The following PIGL variants were observed in gnomAD, a reference collection of about 807,000 sequenced individuals.
PIGL encodes phosphatidylinositol glycan anchor biosynthesis class L.
PIGL carries 22 observed loss-of-function variants against 31.1 expected under a neutral mutation model. The observed-to-expected ratio is 0.71, with a 90% CI of 0.51 to 1.01. The LOEUF (loss-of-function observed/expected upper bound fraction) is 1.01. PIGL is among the 50% of genes least tolerant of loss of function. The pLI, the probability that PIGL is intolerant of heterozygous loss-of-function variation, is 0.00. For missense variants in PIGL, 302 were observed against 315.9 expected (o/e 0.96, Z 0.33); for synonymous variants, 131 against 117.4 (o/e 1.12, Z -0.75).
intron 4 of PIGL, 54 bp downstream of exon 4, chr17:16,313,668 C>A (rs2093064493): frequency 1.5e-6 from 2 of 1,362,840 alleles, no homozygotes; most frequent in Non-Finnish European, 2.1e-6. Flanking sequence ...TTGATTAGGG[C>A]TCATGGTTTA....
At chr17:16,251,197 GGGA>G (rs2092769768) in intron 2 of PIGL, among the ~76,000 whole-genome samples, 1 of 152,096 alleles carries the variant, frequency 6.6e-6, no homozygotes, top group South Asian at 2.1e-4. Flanking sequence ...AGGCCGAGGT[GGGA>G]GGATCACTTG....
intron 1 of PIGL, chr17:16,217,737 A>C: frequency 4.7e-6 from 2 of 427,972 alleles, no homozygotes; most frequent in Non-Finnish European, 8.4e-6. Context: ...TCCGTTGGGA[A>C]CTCCACCTGT....
chr17:16,291,979 AT>A (rs1481840827), intron 2 of PIGL, among the ~76,000 whole-genome samples: 1 of 151,834 alleles, frequency 6.6e-6, no homozygotes, highest in Non-Finnish European at 1.5e-5. Context: ...TTAAAAAAGG[AT>A]TAAAAAGTAG....
intron 1 of PIGL, among the ~76,000 whole-genome samples, chr17:16,225,916 C>T (rs2092650093): frequency 1.3e-5 from 2 of 151,614 alleles, no homozygotes; most frequent in South Asian, 4.1e-4. Context: ...TGTGCTGGCA[C>T]ACACCTATAA....
chr17:16,308,503 G>A lies in PIGL; in HGVS notation c.427-5044G>A, dbSNP rs149736664. Among the ~76,000 whole-genome samples, 565 of 152,268 alleles carry A rather than the reference G, an allele frequency of 3.7e-3. 1 individual carries two copies. The highest frequency in any genetic ancestry group is 0.013 in the African/African-American group (544 of 41,540). ...ATATGGGACATTCACTATAGGTGGT[G>A]AACTGGGAATACAACAGTGAGCCAG... is the stretch of plus-strand genomic sequence containing the variant. On this transcript the variant is annotated intron_variant, in intron 3 of 6. Coordinates refer to ENST00000225609, the MANE Select transcript of PIGL (RefSeq NM_004278.4).
intron 2 of PIGL, among the ~76,000 whole-genome samples, chr17:16,235,232 C>T (rs2092694627): frequency 6.6e-6 from 1 of 152,152 alleles, no homozygotes; most frequent in Admixed American, 6.5e-5. Context: ...AGAATTTCTT[C>T]AGGTAGCTCA....
At chr17:16,274,444 C>T (rs1341364516) in intron 2 of PIGL, among the ~76,000 whole-genome samples, 4 of 152,026 alleles carry the variant, frequency 2.6e-5, no homozygotes, top group South Asian at 2.1e-4. Context: ...TAAAGGAGGC[C>T]GGGTGCGGTG....
chr17:16,217,375 C>G lies in PIGL; in HGVS notation c.149C>G (p.Pro50Arg), dbSNP rs1468787457. Residue 50 changes from proline (P) to arginine (R), a missense_variant, in exon 1 of 7, where the codon CCT becomes CGT. Coordinates refer to ENST00000225609, the MANE Select transcript of PIGL (RefSeq NM_004278.4). ...ESRTLLVIAHPDDEAMFFAPT... is the reference protein window; with the variant it reads ...ESRTLLVIAHRDDEAMFFAPT... ...CGGACCCTGCTGGTCATAGCGCACC[C>G]TGACGATGAAGCCATGTTTTTTGCT... is the stretch of plus-strand genomic sequence containing the variant. 1 of 1,614,090 alleles carries G rather than the reference C, an allele frequency of 6.2e-7. No individual in the cohort carries two copies. The highest frequency in any genetic ancestry group is 1.3e-5 in the African/African-American group (1 of 74,926).
chr17:16,232,308 G>T (rs2092682593), intron 1 of PIGL, among the ~76,000 whole-genome samples: 1 of 151,858 alleles, frequency 6.6e-6, no homozygotes, highest in Non-Finnish European at 1.5e-5. Flanking sequence ...AAAATTAGGG[G>T]GAGACATCCT....
At chr17:16,257,224 C>G (rs1478979328) in intron 2 of PIGL, among the ~76,000 whole-genome samples, 1 of 152,112 alleles carries the variant, frequency 6.6e-6, no homozygotes, top group East Asian at 1.9e-4. Flanking sequence ...CGAGACTAGC[C>G]TGGCCAACAT....
chr17:16,300,322 A>G (rs907209141), intron 3 of PIGL: 5 of 217,230 alleles, frequency 2.3e-5, no homozygotes, highest in African/African-American at 1.1e-4. Context: ...AGTGATTCTC[A>G]TTTATACAGA....
At chr17:16,300,516 A>G (rs1341842404) in intron 3 of PIGL, among the ~76,000 whole-genome samples, 1 of 152,132 alleles carries the variant, frequency 6.6e-6, no homozygotes, top group East Asian at 1.9e-4. Context: ...CCCCATCTCT[A>G]TTAAAAATAC....
chr17:16,235,794 G>A (rs2092697532), intron 2 of PIGL, among the ~76,000 whole-genome samples: 1 of 148,324 alleles, frequency 6.7e-6, no homozygotes, highest in African/African-American at 2.5e-5. Context: ...TCAGATTTGG[G>A]TCTAACTTTT....
In PIGL at chr17:16,300,352, C is replaced by G. The variant is rs374253639; in HGVS notation, c.426+374C>G. ...TACAGAACTTGACCTCACCTTTTAC[C>G]AAGCATTTTCACAGAGTATCATTTT... On this transcript the variant is annotated intron_variant, in intron 3 of 6. Transcript: ENST00000225609. Among the ~76,000 whole-genome samples the G allele has an allele frequency of 7.2e-5, 11 of 152,200 alleles. No homozygotes were observed. The East Asian group carries it at 7.7e-4, about 11-fold the overall frequency.
At chr17:16,227,244 G>A (rs2092655997) in intron 1 of PIGL, among the ~76,000 whole-genome samples, 1 of 152,040 alleles carries the variant, frequency 6.6e-6, no homozygotes, top group Admixed American at 6.6e-5. Flanking sequence ...AAGTAGCTGG[G>A]ATTACAGGCG....
chr17:16,306,935 C>G (rs1568837442), intron 3 of PIGL, among the ~76,000 whole-genome samples: 2 of 152,142 alleles, frequency 1.3e-5, no homozygotes, highest in Non-Finnish European at 2.9e-5. Context: ...AATGGTAAGG[C>G]TCGGCTGCGA....
intron 2 of PIGL, among the ~76,000 whole-genome samples, chr17:16,246,506 G>A (rs1242772579): frequency 2.0e-5 from 3 of 149,744 alleles, no homozygotes; most frequent in Non-Finnish European, 3.0e-5. Flanking sequence ...GTGAGACTCC[G>A]TCTCAAAAAA....
chr17:16,274,637 C>T (rs1184929706), intron 2 of PIGL, among the ~76,000 whole-genome samples: 1 of 151,108 alleles, frequency 6.6e-6, no homozygotes, highest in Non-Finnish European at 1.5e-5. Flanking sequence ...GCAGGAGAAT[C>T]GCTTGAACCC....
intron 2 of PIGL, among the ~76,000 whole-genome samples, chr17:16,288,060 CTG>C (rs2092945361): frequency 6.6e-6 from 1 of 152,242 alleles, no homozygotes; most frequent in Non-Finnish European, 1.5e-5. Flanking sequence ...GCCCCTTTCT[CTG>C]TGTCTTTCTC....
Sources: gnomAD v4.1 joint callset for allele counts (sites outside exome capture counted in the v4.1 genomes callset) on GRCh38, gnomAD v4.1.1 for gene constraint, MANE v1.5 for transcripts, NCBI Gene and HGNC (gene_info 2026-07-23, HGNC 2026-07-21) for gene names.